The following WIPF1 variants were observed in gnomAD, a reference collection of about 807,000 sequenced individuals.
The protein encoded by WIPF1 is WAS/WASL interacting protein family member 1, also known as WAS/WASL-interacting protein family member 1.
In WIPF1, 13 loss-of-function variants were observed where a neutral mutation model predicts 35.4. The observed-to-expected ratio is 0.37, with a 90% CI of 0.24 to 0.58. The LOEUF is 0.58. Ranked by LOEUF, WIPF1 falls within the 20% of genes least tolerant of loss-of-function variation. The pLI, the probability that WIPF1 is intolerant of heterozygous loss-of-function variation, is 0.74. For synonymous variants in WIPF1, 267 were observed against 266.3 expected, an observed-to-expected ratio of 1.00 and a Z score of -0.02; for missense variants, 591 against 667.0, an observed-to-expected ratio of 0.89 and a Z score of 1.25.
intron 1 of WIPF1, among the ~76,000 whole-genome samples, chr2:174,670,296 T>C (rs1687984188): frequency 6.6e-6 from 1 of 152,090 alleles, no homozygotes; most frequent in South Asian, 2.1e-4. Flanking sequence ...AGGAACCTCC[T>C]CCCTTTTCCT....
chr2:174,562,302 C>A lies in WIPF1; in HGVS notation c.*245G>T, dbSNP rs1202081920. On this transcript the variant is annotated 3_prime_UTR_variant, in exon 8 of 8. Coordinates refer to ENST00000679041, the MANE Select transcript of WIPF1 (RefSeq NM_001375834.1). ...GCCTATTACGACAAAAGCCTATCGA[C>A]CCCAGCAGCCAGCACAGGCAGGCTG... The A allele has an allele frequency of 6.7e-7, 1 of 1,503,200 alleles. No homozygotes were observed. The highest frequency in any genetic ancestry group is 1.4e-5 in the African/African-American group (1 of 71,776). 93.1% of individuals were successfully genotyped at this position (1,503,200 alleles called of 1,614,324 possible).
intron 2 of WIPF1, among the ~76,000 whole-genome samples, chr2:174,582,940 C>T (rs898551188): frequency 1.3e-5 from 2 of 152,140 alleles, no homozygotes; most frequent in Non-Finnish European, 2.9e-5. Flanking sequence ...CCTTATCAAC[C>T]CTGTGAGTTA....
Position 174,571,318 on chromosome 2 carries a change from T to C in WIPF1, c.1129+358A>G. The C allele has an allele frequency of 4.0e-6, 2 of 496,496 alleles. No homozygotes were observed. The highest frequency in any genetic ancestry group is 7.1e-6 in the Non-Finnish European group (2 of 281,330). The allele number at this position is 496,496 out of a possible 1,614,324, so 30.8% of individuals were successfully genotyped here. A position where few individuals can be genotyped will look rare whatever the true frequency, so the allele number is the denominator to read the frequency against. ...CCCTCCTGCGGGAGGTGGGGACTTA[T>C]TTTCCCAATTAAGACCGCCGAAATT... On this transcript the variant is annotated intron_variant, in intron 5 of 7. Coordinates refer to ENST00000679041, the MANE Select transcript of WIPF1 (RefSeq NM_001375834.1). The surrounding 1 kb of genome is among the most constrained non-coding windows in gnomAD (Gnocchi z 4.6).
chr2:174,628,463 T>C (rs992507761), intron 1 of WIPF1, among the ~76,000 whole-genome samples: 1 of 152,250 alleles, frequency 6.6e-6, no homozygotes, highest in African/African-American at 2.4e-5. Context: ...CTCTGCTCCA[T>C]GAGGACCAGT....
At chr2:174,599,294 C>G (rs1685916956), upstream of WIPF1, among the ~76,000 whole-genome samples, 1 of 152,244 alleles carries the variant, frequency 6.6e-6, no homozygotes. Context: ...CCCAAAATAC[C>G]AGAAGTGCTC....
chr2:174,667,912 G>GCT (rs1687926919), intron 1 of WIPF1, among the ~76,000 whole-genome samples: 1 of 152,168 alleles, frequency 6.6e-6, no homozygotes, highest in African/African-American at 2.4e-5. Context: ...AAAATGACTT[G>GCT]AGCCAGAAGT....
At chr2:174,572,488 C>A in intron 4 of WIPF1, 42 bp from the exon 5 acceptor site, 1 of 1,611,822 alleles carries the variant, frequency 6.2e-7, no homozygotes, top group Non-Finnish European at 8.5e-7. Flanking sequence ...AAATCAGGAA[C>A]CCTGAAGAAA....
chr2:174,668,142 T>G (rs576602449), intron 1 of WIPF1, among the ~76,000 whole-genome samples: 2 of 152,354 alleles, frequency 1.3e-5, no homozygotes, highest in Admixed American at 1.3e-4. Context: ...AAAAAACAGA[T>G]TGTTCTATGT....
intron 1 of WIPF1, among the ~76,000 whole-genome samples, chr2:174,653,524 A>C (rs947136026): frequency 6.6e-6 from 1 of 152,124 alleles, no homozygotes; most frequent in Non-Finnish European, 1.5e-5. Flanking sequence ...TCATGAGGTC[A>C]GGAGATCGAG....
intron 1 of WIPF1, among the ~76,000 whole-genome samples, 169 bp from the exon 2 acceptor site, chr2:174,585,780 G>A (rs931437965): frequency 1.3e-5 from 2 of 152,120 alleles, no homozygotes; most frequent in South Asian, 2.1e-4. Context: ...GAAGGATCCC[G>A]GCAGAGGGGC....
intron 1 of WIPF1, among the ~76,000 whole-genome samples, chr2:174,587,296 T>C (rs1056463710): frequency 3.9e-5 from 6 of 152,280 alleles, no homozygotes; most frequent in Admixed American, 3.9e-4. Flanking sequence ...GGATTACAGG[T>C]GTGAGCCACT....
At chr2:174,660,590 T>A (rs1358210785) in intron 1 of WIPF1, among the ~76,000 whole-genome samples, 2 of 151,798 alleles carry the variant, frequency 1.3e-5, no homozygotes, top group Admixed American at 1.3e-4. Flanking sequence ...ATGTGTTGGG[T>A]CTCGGGGGAA....
intron 1 of WIPF1, among the ~76,000 whole-genome samples, chr2:174,652,808 CA>C (rs1008873394): frequency 1.3e-4 from 19 of 143,706 alleles, no homozygotes; most frequent in Admixed American, 4.1e-4. Context: ...AAAAAAAAAA[CA>C]AAAAAAAACT....
rs1426841628 is a variant in WIPF1 at position 174,559,979 on chromosome 2, A to T, written c.*2568T>A. ...TCCTGGCTTTTACTAAATAAAATGC[A>T]TAGTGAAATAAATACTGAACACTGA... On this transcript the variant is annotated 3_prime_UTR_variant, in exon 8 of 8. Transcript: ENST00000679041. The T allele has an allele frequency of 6.6e-6, 1 of 152,666 alleles. No homozygotes were observed. Among genetic ancestry groups the T allele is most frequent in the Non-Finnish European group, 1.5e-5 (1 of 68,022 alleles). The allele number at this position is 152,666 out of a possible 1,614,324, so 9.5% of individuals were successfully genotyped here.
intron 1 of WIPF1, among the ~76,000 whole-genome samples, chr2:174,595,414 T>C (rs1685790487): frequency 6.6e-6 from 1 of 152,034 alleles, no homozygotes; most frequent in East Asian, 1.9e-4. Context: ...CCTCCACATT[T>C]AGTTGTTAGG....
chr2:174,631,608 C>A (rs1687024661), intron 1 of WIPF1, among the ~76,000 whole-genome samples: 1 of 152,086 alleles, frequency 6.6e-6, no homozygotes, highest in African/African-American at 2.4e-5. Flanking sequence ...TGTTATGTGT[C>A]CTTTATCACA....
chr2:174,591,958 A>T (rs1394176869), intron 1 of WIPF1, among the ~76,000 whole-genome samples: 2 of 152,210 alleles, frequency 1.3e-5, no homozygotes, highest in African/African-American at 2.4e-5. Context: ...TACAGGGGAC[A>T]CATTCTCCTC....
intron 1 of WIPF1, among the ~76,000 whole-genome samples, chr2:174,628,921 C>T (rs1048823495): frequency 3.3e-5 from 5 of 152,182 alleles, no homozygotes; most frequent in African/African-American, 1.2e-4. Flanking sequence ...TAAATGATGA[C>T]AACAGCATCT....
chr2:174,588,499 G>A (rs1436080560), intron 1 of WIPF1, among the ~76,000 whole-genome samples: 1 of 152,146 alleles, frequency 6.6e-6, no homozygotes, highest in East Asian at 1.9e-4. Flanking sequence ...ACCCTTTCAG[G>A]GGCTGCCACC....
Sources: gnomAD v4.1 joint callset for allele counts (sites outside exome capture counted in the v4.1 genomes callset) on GRCh38, gnomAD v4.1.1 for gene constraint, Gnocchi (gnomAD v3.1) non-coding constraint, MANE v1.5 for transcripts, NCBI Gene and HGNC (gene_info 2026-07-23, HGNC 2026-07-21) for gene names.